The following TAFA2 variants were observed in gnomAD, a reference collection of about 807,000 sequenced individuals.
TAFA2 encodes the protein TAFA chemokine like family member 2.
TAFA2 carries 7 observed loss-of-function variants against 18.8 expected under a neutral mutation model. The ratio of observed to expected loss-of-function variants is 0.37; its 90% CI spans 0.21 to 0.70. The LOEUF is 0.70. Among genes scored for constraint, TAFA2 ranks in the 30% least tolerant of loss-of-function variants. The pLI is 0.53. For synonymous variants in TAFA2, 60 were observed against 54.2 expected (o/e 1.11, Z -0.47); for missense variants, 122 against 158.1 (o/e 0.77, Z 1.23).
intron 1 of TAFA2, among the ~76,000 whole-genome samples, chr12:62,211,366 G>T (rs1245943990): frequency 6.6e-6 from 1 of 152,150 alleles, no homozygotes; most frequent in Non-Finnish European, 1.5e-5. Context: ...GATCAAGGAG[G>T]TCAGGACATC....
At chr12:62,217,885 T>G (rs1409449892) in intron 1 of TAFA2, among the ~76,000 whole-genome samples, 1 of 152,212 alleles carries the variant, frequency 6.6e-6, no homozygotes, top group Non-Finnish European at 1.5e-5. Flanking sequence ...GTTGAGTAAG[T>G]GAAAATGAGC....
intron 1 of TAFA2, among the ~76,000 whole-genome samples, chr12:62,156,497 CAT>C (rs1320704792): frequency 6.6e-6 from 1 of 152,144 alleles, no homozygotes; most frequent in African/African-American, 2.4e-5. Context: ...CTTGCACACA[CAT>C]GTTTATAGCA....
intron 4 of TAFA2, among the ~76,000 whole-genome samples, chr12:61,710,697 C>T (rs569500809): frequency 3.7e-4 from 56 of 152,148 alleles, no homozygotes; most frequent in African/African-American, 1.2e-3. Context: ...AACAATATCC[C>T]TCTCACACCC....
intron 1 of TAFA2, among the ~76,000 whole-genome samples, chr12:61,969,171 A>G (rs1205832357): frequency 5.9e-5 from 9 of 151,748 alleles, no homozygotes; most frequent in Non-Finnish European, 1.2e-4. Flanking sequence ...TAATGCCACC[A>G]TAAGTAATCA....
At chr12:61,943,306 C>T (rs1156694220) in intron 1 of TAFA2, among the ~76,000 whole-genome samples, 1 of 149,470 alleles carries the variant, frequency 6.7e-6, no homozygotes, top group Non-Finnish European at 1.5e-5. Context: ...GAAGGAAGCA[C>T]TAAACATGGA....
At chr12:62,136,768 G>A (rs1030053127) in intron 1 of TAFA2, among the ~76,000 whole-genome samples, 4 of 152,102 alleles carry the variant, frequency 2.6e-5, no homozygotes, top group Admixed American at 6.6e-5. Flanking sequence ...AATTTCTCTC[G>A]CATGCAGAGA....
At chr12:62,135,226 A>T (rs1264823134) in intron 1 of TAFA2, among the ~76,000 whole-genome samples, 1 of 151,990 alleles carries the variant, frequency 6.6e-6, no homozygotes, top group Non-Finnish European at 1.5e-5. Context: ...TGGTACCTAA[A>T]TCTGAGGTTG....
At chr12:62,026,817 T>G (rs1219030115) in intron 1 of TAFA2, among the ~76,000 whole-genome samples, 1 of 152,186 alleles carries the variant, frequency 6.6e-6, no homozygotes, top group African/African-American at 2.4e-5. Context: ...GAATTGTAAA[T>G]TTGCATTTAA....
intron 1 of TAFA2, among the ~76,000 whole-genome samples, chr12:61,885,581 T>G (rs1334598411): frequency 6.6e-6 from 1 of 152,222 alleles, no homozygotes; most frequent in Non-Finnish European, 1.5e-5. Flanking sequence ...GCATGTGTCC[T>G]CCACCTCAGT....
intron 1 of TAFA2, among the ~76,000 whole-genome samples, chr12:62,058,900 G>A (rs1389617303): frequency 2.0e-5 from 3 of 152,110 alleles, no homozygotes; most frequent in African/African-American, 4.8e-5. Flanking sequence ...CCAGGCGATC[G>A]AGACTATCCT....
chr12:61,810,926 C>G (rs1871841284), intron 2 of TAFA2, among the ~76,000 whole-genome samples: 1 of 151,146 alleles, frequency 6.6e-6, no homozygotes, highest in African/African-American at 2.5e-5. Context: ...ACCATTCCTG[C>G]CACTGCCAAG....
intron 4 of TAFA2, among the ~76,000 whole-genome samples, chr12:61,741,203 A>G (rs890825136): frequency 9.9e-5 from 15 of 152,026 alleles, no homozygotes; most frequent in South Asian, 6.2e-4. Flanking sequence ...AATTAGAGTT[A>G]TTAGTGTAGC....
intron 1 of TAFA2, among the ~76,000 whole-genome samples, chr12:62,128,844 G>A (rs1021628859): frequency 1.3e-5 from 2 of 152,024 alleles, no homozygotes; most frequent in Admixed American, 1.3e-4. Flanking sequence ...TCACATAACA[G>A]GCAGTTTCTA....
Position 62,236,112 on chromosome 12 carries a change from T to G in TAFA2, c.-130+22651A>C, listed in dbSNP as rs1428859230. On this transcript the variant is annotated intron_variant, in intron 1 of 5. Coordinates refer to the TAFA2 transcript ENST00000551619. ...TTTATACTTCCTATCTTTTAACAGA[T>G]TTCTGCAGTTATTATTTTTGATAGA... Among the ~76,000 whole-genome samples, 5 of 152,164 alleles carry G rather than the reference T, an allele frequency of 3.3e-5. No homozygotes were observed. In the East Asian group the frequency reaches 9.6e-4, roughly 29 times the overall value.
At chr12:61,724,179 T>C (rs1304913149) in intron 4 of TAFA2, among the ~76,000 whole-genome samples, 2 of 152,158 alleles carry the variant, frequency 1.3e-5, no homozygotes, top group Non-Finnish European at 2.9e-5. Flanking sequence ...TGGAGACTAG[T>C]ATTTTTAAAG....
intron 1 of TAFA2, among the ~76,000 whole-genome samples, chr12:62,205,530 T>C (rs546763646): frequency 1.6e-4 from 25 of 152,296 alleles, no homozygotes; most frequent in African/African-American, 6.0e-4. Flanking sequence ...CTGGCTGGAA[T>C]TGCTGAAATT....
At chr12:61,842,512 A>G (rs2198774) in intron 2 of TAFA2, among the ~76,000 whole-genome samples, 43,894 of 151,828 alleles carry the variant, frequency 0.29, 6,955 homozygotes, top group South Asian at 0.4. Flanking sequence ...TTAAGAACCT[A>G]AGTTTATTCA....
chr12:61,957,359 A>G (rs1240168107), intron 1 of TAFA2, among the ~76,000 whole-genome samples: 1 of 152,150 alleles, frequency 6.6e-6, no homozygotes, highest in African/African-American at 2.4e-5. Flanking sequence ...GATTGGGCTC[A>G]ACTCTGAATA....
intron 2 of TAFA2, among the ~76,000 whole-genome samples, chr12:61,828,297 G>A (rs1308030590): frequency 1.3e-5 from 2 of 151,786 alleles, no homozygotes; most frequent in Non-Finnish European, 2.9e-5. Flanking sequence ...ATTTTCTGAT[G>A]ACCAAAACGA....
Sources: gnomAD v4.1 joint callset for allele counts (sites outside exome capture counted in the v4.1 genomes callset) on GRCh38, gnomAD v4.1.1 for gene constraint, MANE v1.5 for transcripts, NCBI Gene and HGNC (gene_info 2026-07-23, HGNC 2026-07-21) for gene names.